PCCA: variants seen among roughly 807,000 people sequenced by gnomAD.
PCCA encodes propionyl-CoA carboxylase alpha chain, mitochondrial.
PCCA carries 74 observed loss-of-function variants against 101.3 expected under a neutral mutation model. That is an observed-to-expected ratio of 0.73 (90% CI 0.61 to 0.89). The LOEUF (loss-of-function observed/expected upper bound fraction) is 0.89, where lower values mean the gene tolerates loss of function less well. PCCA is among the 40% of genes least tolerant of loss of function. The probability of loss-of-function intolerance (pLI) is 0.00; values close to 1 mark genes in which losing one functional copy is unlikely to be tolerated. For missense variants in PCCA, 891 were observed against 907.0 expected, an observed-to-expected ratio of 0.98 and a Z score of 0.23; for synonymous variants, 294 against 313.6, an observed-to-expected ratio of 0.94 and a Z score of 0.66.
intron 12 of PCCA, among the ~76,000 whole-genome samples, chr13:100,284,401 A>G (rs1283927232): frequency 4.6e-5 from 7 of 152,184 alleles, no homozygotes; most frequent in African/African-American, 1.7e-4. Context: ...AAGGGCAAAA[A>G]ATGCCTGCCC....
chr13:100,168,234 A>G (rs1489388408), intron 6 of PCCA, among the ~76,000 whole-genome samples: 2 of 152,198 alleles, frequency 1.3e-5, no homozygotes, highest in East Asian at 3.8e-4. Context: ...CATTAACAGT[A>G]TACAAGATGT....
intron 2 of PCCA, among the ~76,000 whole-genome samples, chr13:100,111,369 G>A (rs896703379): frequency 2.0e-5 from 3 of 151,798 alleles, no homozygotes; most frequent in Non-Finnish European, 4.4e-5. Context: ...TACCGTGTTG[G>A]TCAGGCTGGT....
rs112076583 is a variant in PCCA, at chr13:100,230,539, CA to C, written c.601-5288del. On this transcript the variant is annotated intron_variant, in intron 7 of 23. Coordinates refer to ENST00000376285, the MANE Select transcript of PCCA (RefSeq NM_000282.4). The stretch of plus-strand genomic sequence containing the variant: ...CAGCCTGAGTGACAGACTCCCATCT[CA>C]AAAAAAAAAAAAAAGAAAGAACGTG... 3.0e-3 allele frequency among the ~76,000 whole-genome samples: 368 copies of C among 121,740 alleles called. 1 individual carries two copies. Among genetic ancestry groups the C allele is most frequent in the African/African-American group, 3.6e-3 (121 of 33,556 alleles). The allele number at this position is 121,740 out of a possible 152,430, so 79.9% of individuals were successfully genotyped here.
At chr13:100,503,397 G>A (rs1245505885) in intron 21 of PCCA, among the ~76,000 whole-genome samples, 1 of 152,210 alleles carries the variant, frequency 6.6e-6, no homozygotes, top group Admixed American at 6.5e-5. Context: ...GGCTGAGGCA[G>A]GAGAATCACT....
In PCCA at chr13:100,530,429, G is replaced by T; in HGVS notation, c.*263G>T. The T allele has an allele frequency of 1.8e-6, 1 of 563,586 alleles. No homozygotes were observed. The highest frequency in any genetic ancestry group is 2.0e-5 in the South Asian group (1 of 49,346). The allele number at this position is 563,586 out of a possible 1,614,324, so 34.9% of individuals were successfully genotyped here. A position where few individuals can be genotyped will look rare whatever the true frequency, so the allele number is the denominator to read the frequency against. On this transcript the variant is annotated 3_prime_UTR_variant, in exon 24 of 24. Coordinates refer to ENST00000376285, the MANE Select transcript of PCCA (RefSeq NM_000282.4). ...ATTAAATCAATAAAACTGAGCATTT[G>T]TCTAAATATTAGTTTGCCCTTTCTT... is the stretch of plus-strand genomic sequence containing the variant.
intron 21 of PCCA, among the ~76,000 whole-genome samples, chr13:100,494,240 A>C (rs2085112265): frequency 6.6e-6 from 1 of 152,222 alleles, no homozygotes; most frequent in Non-Finnish European, 1.5e-5. Context: ...CCAAGTTCTC[A>C]TCTCTTAAGC....
chr13:100,185,109 C>G (rs1024609689), intron 6 of PCCA, among the ~76,000 whole-genome samples: 1 of 152,216 alleles, frequency 6.6e-6, no homozygotes, highest in African/African-American at 2.4e-5. Context: ...CCTAGAAGCC[C>G]TTTGCATGTT....
intron 21 of PCCA, among the ~76,000 whole-genome samples, chr13:100,496,318 A>G (rs909304897): frequency 1.3e-5 from 2 of 152,212 alleles, no homozygotes; most frequent in African/African-American, 2.4e-5. Context: ...CACACCTTGC[A>G]TTGACTTTTC....
At chr13:100,437,527 ATTTG>A (rs976505153) in intron 20 of PCCA, among the ~76,000 whole-genome samples, 36 of 131,190 alleles carry the variant, frequency 2.7e-4, no homozygotes, top group African/African-American at 3.7e-4. Flanking sequence ...TTTTATATTT[ATTTG>A]TTTATTTGTT....
chr13:100,287,458 T>C (rs2064767060), intron 12 of PCCA, among the ~76,000 whole-genome samples: 2 of 152,234 alleles, frequency 1.3e-5, no homozygotes, highest in African/African-American at 4.8e-5. Context: ...TCCAGTGACA[T>C]GGAACTAAAA....
At chr13:100,347,734 T>C (rs2072497094) in intron 18 of PCCA, among the ~76,000 whole-genome samples, 2 of 152,206 alleles carry the variant, frequency 1.3e-5, no homozygotes. Context: ...AAACAAAATA[T>C]GTATTTATGA....
intron 6 of PCCA, among the ~76,000 whole-genome samples, chr13:100,178,627 C>T (rs563999188): frequency 3.3e-5 from 5 of 152,102 alleles, no homozygotes; most frequent in Admixed American, 6.5e-5. Context: ...GCAGCATTTC[C>T]TCTGGCAAAT....
chr13:100,327,955 G>A (rs1038662726), intron 16 of PCCA, among the ~76,000 whole-genome samples: 1 of 152,156 alleles, frequency 6.6e-6, no homozygotes, highest in African/African-American at 2.4e-5. Flanking sequence ...CAGACACGGT[G>A]GCTTATGCCT....
At chr13:100,476,234 T>C (rs1274828023) in intron 21 of PCCA, among the ~76,000 whole-genome samples, 1 of 152,216 alleles carries the variant, frequency 6.6e-6, no homozygotes, top group African/African-American at 2.4e-5. Context: ...ATTTTGAGAT[T>C]TAAACCAACT....
At chr13:100,152,703 C>G (rs187743655) in intron 4 of PCCA, among the ~76,000 whole-genome samples, 2 of 152,166 alleles carry the variant, frequency 1.3e-5, no homozygotes, top group Non-Finnish European at 1.5e-5. Flanking sequence ...ACCTCAGCCT[C>G]CCAAAGTGCT....
At chr13:100,450,537 G>C (rs2081150782) in intron 21 of PCCA, among the ~76,000 whole-genome samples, 1 of 152,000 alleles carries the variant, frequency 6.6e-6, no homozygotes, top group Admixed American at 6.5e-5. Flanking sequence ...CCTCATTCAG[G>C]ATATGGATTC....
chr13:100,304,399 T>C (rs143828662), intron 14 of PCCA, among the ~76,000 whole-genome samples: 1 of 152,214 alleles, frequency 6.6e-6, no homozygotes, highest in African/African-American at 2.4e-5. Flanking sequence ...AGCAATCAAA[T>C]TGATGTCAGC....
intron 20 of PCCA, 141 bp downstream of exon 20, chr13:100,425,872 C>A (rs1325524318): frequency 4.0e-5 from 27 of 670,528 alleles, no homozygotes; most frequent in East Asian, 8.2e-5. Flanking sequence ...AAAACTTTTT[C>A]TTTTCTTATT....
chr13:100,133,925 A>G (rs761365804), intron 4 of PCCA, among the ~76,000 whole-genome samples: 4 of 152,302 alleles, frequency 2.6e-5, no homozygotes, highest in Admixed American at 1.3e-4. Flanking sequence ...TCAGACTCCA[A>G]GTTCTTCAGC....
Sources: gnomAD v4.1 joint callset for allele counts (sites outside exome capture counted in the v4.1 genomes callset) on GRCh38, gnomAD v4.1.1 for gene constraint, MANE v1.5 for transcripts, NCBI Gene and HGNC (gene_info 2026-07-23, HGNC 2026-07-21) for gene names.